The following LRBA variants were observed in gnomAD, a reference collection of about 807,000 sequenced individuals.
LRBA encodes LPS responsive beige-like anchor protein.
LRBA carries 176 observed loss-of-function variants against 330.0 expected under a neutral mutation model. The ratio of observed to expected loss-of-function variants is 0.53; its 90% CI spans 0.47 to 0.60. The LOEUF is 0.60. LRBA is among the 20% of genes least tolerant of loss of function. The pLI, the probability that LRBA is intolerant of heterozygous loss-of-function variation, is 0.00. For missense variants in LRBA, 3,259 were observed against 3,444.8 expected (o/e 0.95, Z 1.35); for synonymous variants, 1,230 against 1,193.0 (o/e 1.03, Z -0.64).
intron 9 of LRBA, 55 bp downstream of exon 9, chr4:150,914,140 C>T (rs899325500): frequency 6.9e-7 from 1 of 1,442,832 alleles, no homozygotes; most frequent in Non-Finnish European, 9.3e-7. Context: ...GTATAACCCA[C>T]CTTCAAATCA....
chr4:150,637,855 T>G (rs1203014584), intron 37 of LRBA, among the ~76,000 whole-genome samples: 3 of 152,162 alleles, frequency 2.0e-5, no homozygotes, highest in Admixed American at 1.3e-4. Flanking sequence ...AAATAATAAG[T>G]GCATGACGTG....
chr4:150,881,234 T>G lies in LRBA; in HGVS notation c.2166-8479A>C, dbSNP rs116860197. Among the ~76,000 whole-genome samples the G allele has an allele frequency of 3.3e-5, 5 of 152,290 alleles. No individual in the cohort carries two copies. In the East Asian group the frequency reaches 9.6e-4, roughly 29 times the overall value. ...TGCACTCGTATGTGTATTACAGCAC[T>G]AATCACAACAGCAAAGACATGAAAT... On this transcript the variant is annotated intron_variant, in intron 17 of 56. Coordinates refer to ENST00000651943, the MANE Select transcript of LRBA (RefSeq NM_001364905.1).
At chr4:150,724,510 A>G (rs1010351803) in intron 36 of LRBA, among the ~76,000 whole-genome samples, 23 of 152,234 alleles carry the variant, frequency 1.5e-4, no homozygotes, top group African/African-American at 5.3e-4. Flanking sequence ...TAACTCTTCA[A>G]TGCTCATACA....
rs749012995 is a variant in LRBA at position 150,852,019 on chromosome 4, T to C, written c.3691A>G (p.Ser1231Gly). ...TGCTCAGAAGAAGCCTCAGAGACAC[T>C]ACCATGACAATCATTAATTAATTTG... ...ETKLINDCHGSVSEASSEQKI... is the reference protein window; with the variant it reads ...ETKLINDCHGGVSEASSEQKI... Residue 1231 changes from serine to glycine, a missense_variant, in exon 23 of 57, where the codon AGT becomes GGT. By Grantham distance (56) the Ser-to-Gly change is moderately conservative (BLOSUM62 0). Coordinates refer to ENST00000651943, the MANE Select transcript of LRBA (RefSeq NM_001364905.1). 21 of 1,614,030 alleles carry C rather than the reference T, an allele frequency of 1.3e-5. No homozygotes were observed. In the Admixed American group the frequency reaches 1.3e-4, roughly 10 times the overall value.
intron 37 of LRBA, among the ~76,000 whole-genome samples, chr4:150,636,072 T>C (rs952855590): frequency 9.2e-5 from 14 of 151,980 alleles, no homozygotes; most frequent in Non-Finnish European, 1.6e-4. Flanking sequence ...TTAATAGATA[T>C]AGCCTAAAAG....
At chr4:150,450,712 A>G (rs938960689) in intron 44 of LRBA, among the ~76,000 whole-genome samples, 3 of 152,206 alleles carry the variant, frequency 2.0e-5, no homozygotes, top group African/African-American at 7.2e-5. Flanking sequence ...GTACCCAAAA[A>G]TAAACTTGAA....
intron 2 of LRBA, among the ~76,000 whole-genome samples, chr4:150,948,016 A>T (rs1736419828): frequency 6.6e-6 from 1 of 152,036 alleles, no homozygotes; most frequent in Non-Finnish European, 1.5e-5. Flanking sequence ...AAATAAATGG[A>T]GAGGCACACT....
At chr4:150,625,321 C>A (rs1295798864) in intron 37 of LRBA, among the ~76,000 whole-genome samples, 1 of 152,112 alleles carries the variant, frequency 6.6e-6, no homozygotes, top group Non-Finnish European at 1.5e-5. Context: ...AGTGTGGATG[C>A]CAACTACTGC....
chr4:150,364,003 A>G (rs982288927), intron 47 of LRBA, among the ~76,000 whole-genome samples: 1 of 152,208 alleles, frequency 6.6e-6, no homozygotes, highest in Admixed American at 6.5e-5. Flanking sequence ...GCAGTTTGTT[A>G]ACCATACAAT....
chr4:150,708,524 G>C (rs1785860213), intron 36 of LRBA, among the ~76,000 whole-genome samples: 1 of 151,660 alleles, frequency 6.6e-6, no homozygotes. Flanking sequence ...TAAACACAAA[G>C]AAAATGGTAT....
chr4:150,882,009 C>G (rs1148650), intron 17 of LRBA, among the ~76,000 whole-genome samples: 2 of 151,942 alleles, frequency 1.3e-5, no homozygotes, highest in African/African-American at 4.8e-5. Flanking sequence ...TCGCTTCAAC[C>G]CGAGAGGCAG....
intron 40 of LRBA, among the ~76,000 whole-genome samples, chr4:150,527,706 A>G (rs1244030366): frequency 1.3e-5 from 2 of 152,210 alleles, no homozygotes; most frequent in African/African-American, 4.8e-5. Flanking sequence ...TCTATCTTGA[A>G]TAATGAGAAC....
intron 37 of LRBA, among the ~76,000 whole-genome samples, chr4:150,635,866 C>T (rs1371605990): frequency 6.6e-6 from 1 of 152,136 alleles, no homozygotes; most frequent in Non-Finnish European, 1.5e-5. Flanking sequence ...TCTCTTTATT[C>T]TCTAACAATC....
intron 41 of LRBA, among the ~76,000 whole-genome samples, chr4:150,489,055 A>C (rs1361993733): frequency 1.2e-5 from 1 of 81,174 alleles, no homozygotes; most frequent in Non-Finnish European, 2.3e-5. Flanking sequence ...TATTATATAT[A>C]AGAATATATA....
In LRBA at chr4:150,281,859, C is replaced by G. The variant is rs559366698; in HGVS notation, c.8316+591G>C. Among the ~76,000 whole-genome samples, 3 of 152,326 alleles carry G rather than the reference C, an allele frequency of 2.0e-5. No homozygotes were observed. In the East Asian group the frequency reaches 5.8e-4, roughly 29 times the overall value. Reference sequence around the variant, plus strand: ...GTGGAGTCCTGTCCTGGAGATGAAGCAAGAGCCCAGAAGGTCCACTGGCGG... The same window carrying G: ...GTGGAGTCCTGTCCTGGAGATGAAGGAAGAGCCCAGAAGGTCCACTGGCGG... On this transcript the variant is annotated intron_variant, in intron 55 of 56. Transcript: ENST00000651943.
At chr4:150,438,190 T>C (rs1447565876) in intron 44 of LRBA, among the ~76,000 whole-genome samples, 1 of 152,182 alleles carries the variant, frequency 6.6e-6, no homozygotes. Context: ...CTTCTTTTCA[T>C]AAGATACAGA....
chr4:150,752,193 C>A (rs1029201506), intron 35 of LRBA, among the ~76,000 whole-genome samples: 1 of 152,104 alleles, frequency 6.6e-6, no homozygotes, highest in Non-Finnish European at 1.5e-5. Context: ...TTCAAAATAT[C>A]ATCTCCATAT....
chr4:150,970,473 C>T (rs991979543), intron 2 of LRBA, among the ~76,000 whole-genome samples: 2 of 150,638 alleles, frequency 1.3e-5, no homozygotes, highest in African/African-American at 4.9e-5. Flanking sequence ...GCACTTCAGC[C>T]TGGGCAGCAA....
chr4:150,905,046 A>G (rs532969980), intron 13 of LRBA, among the ~76,000 whole-genome samples: 29 of 152,280 alleles, frequency 1.9e-4, no homozygotes, highest in African/African-American at 6.7e-4. Flanking sequence ...TAATAAAATG[A>G]TCTGTTTCAA....
Sources: allele counts gnomAD v4.1 joint callset (sites outside exome capture counted in the v4.1 genomes callset), GRCh38; gene constraint gnomAD v4.1.1; transcripts MANE v1.5; gene names NCBI Gene and HGNC (gene_info 2026-07-23, HGNC 2026-07-21).